The following SMURF1 variants were observed in gnomAD, a reference collection of about 807,000 sequenced individuals.
SMURF1 encodes the protein SMAD specific E3 ubiquitin protein ligase 1.
A neutral mutation model predicts 98.0 loss-of-function variants in SMURF1; 44 were observed. The ratio of observed to expected loss-of-function variants is 0.45; its 90% CI spans 0.35 to 0.58. The LOEUF (loss-of-function observed/expected upper bound fraction) is 0.58, where lower values mean the gene tolerates loss of function less well. Among genes scored for constraint, SMURF1 ranks in the 20% least tolerant of loss-of-function variants. SMURF1 has a pLI of 0.00. For missense variants in SMURF1, 687 were observed against 938.4 expected (o/e 0.73, Z 3.50); for synonymous variants, 396 against 374.9 (o/e 1.06, Z -0.65).
intron 1 of SMURF1, among the ~76,000 whole-genome samples, chr7:99,108,674 T>C (rs1439087649): frequency 6.7e-6 from 1 of 148,320 alleles, no homozygotes; most frequent in East Asian, 2.0e-4. Flanking sequence ...CACAGGAGCA[T>C]TGCCCATTAG....
chr7:99,121,383 G>C (rs924800751), intron 1 of SMURF1, among the ~76,000 whole-genome samples: 1 of 151,994 alleles, frequency 6.6e-6, no homozygotes, highest in Non-Finnish European at 1.5e-5. Context: ...ATAAAATTAA[G>C]ATATTGTATA....
At chr7:99,065,792 A>G (rs1246779073) in intron 1 of SMURF1, among the ~76,000 whole-genome samples, 1 of 152,086 alleles carries the variant, frequency 6.6e-6, no homozygotes. Context: ...TTACGCCTGT[A>G]ATCCCAGCAC....
intron 11 of SMURF1, among the ~76,000 whole-genome samples, chr7:99,043,149 A>G (rs1464551247): frequency 6.6e-6 from 1 of 152,198 alleles, no homozygotes; most frequent in African/African-American, 2.4e-5. Flanking sequence ...AATACAAGCA[A>G]ACATTCCGAC....
intron 2 of SMURF1, among the ~76,000 whole-genome samples, chr7:99,061,553 A>T (rs1796035067): frequency 6.6e-6 from 1 of 152,194 alleles, no homozygotes; most frequent in African/African-American, 2.4e-5. Flanking sequence ...GGCAGAAAAA[A>T]TTGGGTGTGA....
Position 99,049,551 on chromosome 7 carries a change from T to C in SMURF1, c.953+12A>G. The C allele has an allele frequency of 6.2e-7, 1 of 1,608,458 alleles. No individual in the cohort carries two copies. The highest frequency in any genetic ancestry group is 8.5e-7 in the Non-Finnish European group (1 of 1,178,108). ...TGAAAGAGGTCAGCAAAAAATATTT[T>C]TAAAGTCTTACTTCATGATGTGGTG... On this transcript the variant is annotated intron_variant, in intron 9 of 17. Coordinates refer to ENST00000361368, the MANE Select transcript of SMURF1 (RefSeq NM_181349.3).
At chr7:99,110,223 G>A (rs558344856) in intron 1 of SMURF1, among the ~76,000 whole-genome samples, 10 of 152,158 alleles carry the variant, frequency 6.6e-5, no homozygotes, top group African/African-American at 2.2e-4. Context: ...TAAAGCAACA[G>A]TGAAAAAAGA....
chr7:99,121,921 G>T (rs916095207), intron 1 of SMURF1, among the ~76,000 whole-genome samples: 2 of 152,176 alleles, frequency 1.3e-5, no homozygotes, highest in Non-Finnish European at 2.9e-5. Flanking sequence ...GCGGCGAGGG[G>T]AACAGTCTCC....
chr7:99,058,382 G>A (rs981421545), intron 3 of SMURF1, among the ~76,000 whole-genome samples: 17 of 152,022 alleles, frequency 1.1e-4, no homozygotes, highest in South Asian at 2.1e-4. Context: ...TTCCTGCCTC[G>A]GCCTCCCAAA....
At chr7:99,141,990 C>A (rs1360432715) in intron 1 of SMURF1, among the ~76,000 whole-genome samples, 2 of 152,192 alleles carry the variant, frequency 1.3e-5, no homozygotes, top group Non-Finnish European at 2.9e-5. Context: ...CGGAGCAGAG[C>A]CGCATTTGCA....
intron 17 of SMURF1, 55 bp downstream of exon 17, chr7:99,032,982 G>A (rs1337853970): frequency 1.4e-5 from 22 of 1,528,766 alleles, no homozygotes; most frequent in Middle Eastern, 1.8e-4. Flanking sequence ...AAACGTGAAC[G>A]TCAGCATCCT....
At chr7:99,041,683 A>C (rs1163472555) in intron 12 of SMURF1, among the ~76,000 whole-genome samples, 1 of 152,228 alleles carries the variant, frequency 6.6e-6, no homozygotes, top group Non-Finnish European at 1.5e-5. Flanking sequence ...CAAACACTGC[A>C]CTGACTTCTT....
chr7:99,118,896 C>T lies in SMURF1; in HGVS notation c.55+24830G>A, dbSNP rs542495330. 2.6e-5 allele frequency among the ~76,000 whole-genome samples: 4 copies of T among 151,608 alleles called. No individual in the cohort carries two copies. The East Asian group carries it at 7.8e-4, about 29-fold the overall frequency. On this transcript the variant is annotated intron_variant, in intron 1 of 17. Coordinates refer to ENST00000361368, the MANE Select transcript of SMURF1 (RefSeq NM_181349.3). ...TTGTTATTTTTAGACAGGGTCTTGCCCTGTACCCAGGCTGCAGTACGTGAT... is the reference window on the plus strand; with the variant it reads ...TTGTTATTTTTAGACAGGGTCTTGCTCTGTACCCAGGCTGCAGTACGTGAT...
intron 13 of SMURF1, 60 bp from the exon 14 acceptor site, chr7:99,038,585 G>A: frequency 6.3e-7 from 1 of 1,574,842 alleles, no homozygotes; most frequent in Non-Finnish European, 8.6e-7. Context: ...GGGCCATTGG[G>A]TAGACAGAAA....
intron 9 of SMURF1, chr7:99,048,103 C>T: frequency 1.9e-6 from 1 of 520,862 alleles, no homozygotes; most frequent in Non-Finnish European, 3.5e-6. Context: ...AGGAGGTACC[C>T]CAGGCCGGGC....
chr7:99,118,732 C>A (rs1403179001), intron 1 of SMURF1, among the ~76,000 whole-genome samples: 1 of 152,080 alleles, frequency 6.6e-6, no homozygotes, highest in South Asian at 2.1e-4. Flanking sequence ...TTGTACAACA[C>A]TGGGAATGTA....
chr7:99,055,478 T>A (rs188368011), intron 5 of SMURF1, among the ~76,000 whole-genome samples: 122 of 150,646 alleles, frequency 8.1e-4, no homozygotes, highest in African/African-American at 2.9e-3. Flanking sequence ...CAAAAAAAAT[T>A]AAAAATTAAA....
chr7:99,082,199 A>G (rs1365381302), intron 1 of SMURF1, among the ~76,000 whole-genome samples: 2 of 152,264 alleles, frequency 1.3e-5, no homozygotes, highest in African/African-American at 4.8e-5. Flanking sequence ...CTTTTCAAAC[A>G]TAATTTGCAA....
At chr7:99,132,121 T>C (rs1300630342) in intron 1 of SMURF1, among the ~76,000 whole-genome samples, 2 of 152,138 alleles carry the variant, frequency 1.3e-5, no homozygotes, top group Admixed American at 6.5e-5. Flanking sequence ...AAGCCCAAGA[T>C]AGAGTAGACT....
At position 99,051,647 on chromosome 7, in the gene SMURF1, C is replaced by T. The variant is rs374398343; in HGVS notation, c.722-206G>A. ...CTTTCCAGAGCACTACAGACACCCTCATCTAGCCTACATGTTACCTTGGTT... is the reference window on the plus strand; with the variant it reads ...CTTTCCAGAGCACTACAGACACCCTTATCTAGCCTACATGTTACCTTGGTT... On this transcript the variant is annotated intron_variant, in intron 7 of 17. Coordinates refer to ENST00000361368, the MANE Select transcript of SMURF1 (RefSeq NM_181349.3). Among the ~76,000 whole-genome samples the T allele has an allele frequency of 5.3e-5, 8 of 152,202 alleles. 1 individual carries two copies. In the East Asian group the frequency reaches 7.7e-4, roughly 15 times the overall value.
Sources: gnomAD v4.1 joint callset for allele counts (sites outside exome capture counted in the v4.1 genomes callset) on GRCh38, gnomAD v4.1.1 for gene constraint, MANE v1.5 for transcripts, NCBI Gene and HGNC (gene_info 2026-07-23, HGNC 2026-07-21) for gene names.